LDLRAP1: variants seen among roughly 807,000 people sequenced by gnomAD.
LDLRAP1 encodes the protein low density lipoprotein receptor adapter protein 1.
A neutral mutation model predicts 37.8 loss-of-function variants in LDLRAP1; 30 were observed. The ratio of observed to expected loss-of-function variants is 0.79; its 90% confidence interval spans 0.59 to 1.08. The LOEUF is 1.08. LDLRAP1 is among the 50% of genes least tolerant of loss of function. LDLRAP1 has a pLI of 0.00. For missense variants in LDLRAP1, 375 were observed against 401.6 expected, an observed-to-expected ratio of 0.93 and a Z score of 0.57; for synonymous variants, 156 against 169.8, an observed-to-expected ratio of 0.92 and a Z score of 0.63.
chr1:25,563,577 G>C (rs1279981880), intron 6 of LDLRAP1, 84 bp from the exon 7 acceptor site: 2 of 1,578,304 alleles, frequency 1.3e-6, no homozygotes, highest in Admixed American at 1.7e-5. Flanking sequence ...TCAGAGGGGA[G>C]GGTCAGGGCC....
the LDLRAP1 span, among the ~76,000 whole-genome samples, chr1:25,583,047 G>C: frequency 4.1e-3 from 622 of 152,032 alleles, 7 homozygotes; most frequent in African/African-American, 0.014. Context: ...ACTCCAGCTT[G>C]GGGGACAGAG....
chr1:25,564,396 T>A (rs2044424200), intron 7 of LDLRAP1: 1 of 178,642 alleles, frequency 5.6e-6, no homozygotes, highest in Non-Finnish European at 1.2e-5. Context: ...ACATCTTGCA[T>A]GACCACATTA....
the LDLRAP1 span, among the ~76,000 whole-genome samples, chr1:25,576,380 G>A: frequency 2.0e-5 from 3 of 152,008 alleles, no homozygotes; most frequent in Non-Finnish European, 4.4e-5. Context: ...TACAAAATAA[G>A]CCGGGTGTGG....
the LDLRAP1 span, among the ~76,000 whole-genome samples, chr1:25,589,359 C>T: frequency 7.0e-6 from 1 of 143,108 alleles, no homozygotes; most frequent in South Asian, 2.2e-4. Flanking sequence ...GTGAGCAACA[C>T]TAAGGAGTAT....
At chr1:25,560,580 C>CACGG (rs1485130630) in intron 4 of LDLRAP1, among the ~76,000 whole-genome samples, 2 of 152,218 alleles carry the variant, frequency 1.3e-5, no homozygotes, top group Non-Finnish European at 2.9e-5. Flanking sequence ...ACCCAGGCAG[C>CACGG]ACGGGGCCAG....
In LDLRAP1 at chr1:25,554,101, G is replaced by T; in HGVS notation, c.231+37G>T. ...AGTCAGGAAGGGTGGGGGAACCAGGGACCAAGGACCAGCTTCTTCCCAGGG... is the reference window on the plus strand; with the variant it reads ...AGTCAGGAAGGGTGGGGGAACCAGGTACCAAGGACCAGCTTCTTCCCAGGG... On this transcript the variant is annotated intron_variant, in intron 2 of 8. Coordinates refer to ENST00000374338, the MANE Select transcript of LDLRAP1 (RefSeq NM_015627.3). The surrounding 1 kb of genome is among the most constrained non-coding windows in gnomAD (Gnocchi z 5.4). 6.2e-7 allele frequency: 1 copy of T among 1,610,696 alleles called. No individual in the cohort carries two copies. Among genetic ancestry groups the T allele is most frequent in the South Asian group, 1.1e-5 (1 of 91,024 alleles).
intron 1 of LDLRAP1, among the ~76,000 whole-genome samples, chr1:25,553,137 A>G (rs1226728647): frequency 6.6e-6 from 1 of 152,140 alleles, no homozygotes; most frequent in Admixed American, 6.5e-5. Flanking sequence ...CAGGGAGGAA[A>G]GCAGTGCAGG....
chr1:25,587,890 A>T, the LDLRAP1 span, among the ~76,000 whole-genome samples: 3 of 151,998 alleles, frequency 2.0e-5, no homozygotes, highest in African/African-American at 7.3e-5. Flanking sequence ...TACTGTGTCT[A>T]TGTAGAAAGA....
chr1:25,586,585 CGTGTGTGT>C, the LDLRAP1 span, among the ~76,000 whole-genome samples: 7 of 147,034 alleles, frequency 4.8e-5, no homozygotes, highest in African/African-American at 1.6e-4. The surrounding 1 kb of genome is among the most constrained non-coding windows in gnomAD (Gnocchi z 4.3). Flanking sequence ...CGTGTGCGCG[CGTGTGTGT>C]GTGTGTATGT....
chr1:25,546,507 A>G (rs535361089), intron 1 of LDLRAP1, among the ~76,000 whole-genome samples: 1 of 152,216 alleles, frequency 6.6e-6, no homozygotes, highest in African/African-American at 2.4e-5. Flanking sequence ...GGCTTTTCCT[A>G]TCCCCTGGGG....
the LDLRAP1 span, among the ~76,000 whole-genome samples, chr1:25,580,578 G>C: frequency 1.3e-5 from 2 of 152,164 alleles, no homozygotes; most frequent in African/African-American, 4.8e-5. Flanking sequence ...CACAATCACA[G>C]CTCATTGCAG....
chr1:25,559,065 C>T (rs2044281079), intron 4 of LDLRAP1, among the ~76,000 whole-genome samples: 1 of 152,194 alleles, frequency 6.6e-6, no homozygotes, highest in Admixed American at 6.5e-5. Context: ...TGTTTCTTTC[C>T]TGCAGACTCA....
At chr1:25,570,894 G>T (rs577338549), downstream of LDLRAP1, among the ~76,000 whole-genome samples, 61 of 152,242 alleles carry the variant, frequency 4.0e-4, no homozygotes, top group African/African-American at 1.4e-3. Context: ...CCTTGGGCCT[G>T]TTAGGTCTTT....
chr1:25,567,402 C>A lies in LDLRAP1; in HGVS notation c.*410C>A. On this transcript the variant is annotated 3_prime_UTR_variant, in exon 9 of 9. Transcript: ENST00000374338. ...CTAAGGACCCAAATTTCCCTGGGGG[C>A]ATCCTGCTTCCTGAAAGCTGTTGGA... 3.2e-6 allele frequency: 1 copy of A among 314,904 alleles called. No homozygotes were observed. Among genetic ancestry groups the A allele is most frequent in the South Asian group, 2.7e-5 (1 of 37,678 alleles). The allele number at this position is 314,904 out of a possible 1,614,324, so 19.5% of individuals were successfully genotyped here.
At chr1:25,558,083 G>A (rs376665271) in intron 4 of LDLRAP1, among the ~76,000 whole-genome samples, 3 of 152,222 alleles carry the variant, frequency 2.0e-5, no homozygotes, top group East Asian at 3.9e-4. Context: ...TGGTGGTCAC[G>A]GGGGATTTGT....
intron 1 of LDLRAP1, chr1:25,550,156 C>G (rs2044040215): frequency 6.6e-6 from 1 of 152,208 alleles, no homozygotes; most frequent in Admixed American, 6.5e-5. Context: ...GGGATGAGGC[C>G]CCACTGGAAG....
At chr1:25,550,378 C>G (rs1022880350) in intron 1 of LDLRAP1, among the ~76,000 whole-genome samples, 1 of 152,124 alleles carries the variant, frequency 6.6e-6, no homozygotes, top group Non-Finnish European at 1.5e-5. Context: ...CTGTTAACCA[C>G]GAGGCTATAT....
chr1:25,583,401 C>T, the LDLRAP1 span, among the ~76,000 whole-genome samples: 1 of 151,922 alleles, frequency 6.6e-6, no homozygotes, highest in Non-Finnish European at 1.5e-5. Context: ...CCATGTTGGC[C>T]AGGCTGGTCT....
At position 25,565,188 on chromosome 1, in the gene LDLRAP1, C is replaced by A. The variant is rs1302851520; in HGVS notation, c.763C>A (p.Leu255Met). 1 of 1,614,178 alleles carries A rather than the reference C, an allele frequency of 6.2e-7. No individual in the cohort carries two copies. Among genetic ancestry groups the A allele is most frequent in the Non-Finnish European group, 8.5e-7 (1 of 1,180,014 alleles). Residue 255 changes from leucine (L) to methionine (M), a missense_variant, in exon 8 of 9, where the codon CTG becomes ATG. Coordinates refer to ENST00000374338, the MANE Select transcript of LDLRAP1 (RefSeq NM_015627.3). The stretch of plus-strand genomic sequence containing the variant: ...TTTCCCCAAGGAGCTGGATGATGGC[C>A]TGGATGAAGCGTTTTCGAGGTAATG... ...SSVVWELDDG[L>M]DEAFSRLAQS... is the part of the protein sequence containing the mutation.
Sources: gnomAD v4.1 joint callset for allele counts (sites outside exome capture counted in the v4.1 genomes callset) on GRCh38, gnomAD v4.1.1 for gene constraint, Gnocchi (gnomAD v3.1) non-coding constraint, MANE v1.5 for transcripts, NCBI Gene and HGNC (gene_info 2026-07-23, HGNC 2026-07-21) for gene names.